The following CDH13 variants were observed in gnomAD, a reference collection of about 807,000 sequenced individuals.
CDH13 encodes cadherin 13, also known as cadherin-13.
In CDH13, 24 loss-of-function variants were observed where a neutral mutation model predicts 63.8. That is an observed-to-expected ratio of 0.38 (90% CI 0.27 to 0.53). The LOEUF (loss-of-function observed/expected upper bound fraction) is 0.53. Among genes scored for constraint, CDH13 ranks in the 20% least tolerant of loss-of-function variants. The probability of loss-of-function intolerance (pLI) is 0.85; values close to 1 mark genes in which losing one functional copy is unlikely to be tolerated. For missense variants in CDH13, 1,049 were observed against 903.1 expected, an observed-to-expected ratio of 1.16 and a Z score of -2.07; for synonymous variants, 503 against 355.3, an observed-to-expected ratio of 1.42 and a Z score of -4.67.
rs1011080724 is a variant in CDH13 at position 83,512,214 on chromosome 16, G to A, written c.960+25559G>A. 1.3e-4 allele frequency among the ~76,000 whole-genome samples: 19 copies of A among 150,864 alleles called. No homozygotes were observed. In the East Asian group the frequency reaches 3.5e-3, roughly 28 times the overall value. On this transcript the variant is annotated intron_variant, in intron 7 of 13. Coordinates refer to ENST00000567109, the MANE Select transcript of CDH13 (RefSeq NM_001257.5). Reference sequence around the variant, plus strand: ...CGGGTGCCTGTAGTCCCAGCTACTCGGGAGTTTGAGGCAGGAGAATGGCGT... The same window carrying A: ...CGGGTGCCTGTAGTCCCAGCTACTCAGGAGTTTGAGGCAGGAGAATGGCGT...
At chr16:83,699,970 G>A (rs1905969722) in intron 10 of CDH13, among the ~76,000 whole-genome samples, 1 of 152,088 alleles carries the variant, frequency 6.6e-6, no homozygotes, top group African/African-American at 2.4e-5. Flanking sequence ...ACAAGTTGAT[G>A]AGTTCTGACA....
chr16:83,399,975 A>C (rs1291187943), intron 6 of CDH13, among the ~76,000 whole-genome samples: 5 of 152,212 alleles, frequency 3.3e-5, no homozygotes, highest in African/African-American at 7.2e-5. Flanking sequence ...TATGTGTTGC[A>C]AAAGTTAACA....
At chr16:83,471,000 C>A (rs763810782) in intron 6 of CDH13, among the ~76,000 whole-genome samples, 4 of 152,186 alleles carry the variant, frequency 2.6e-5, no homozygotes, top group Non-Finnish European at 5.9e-5. Context: ...CTCCTGACGC[C>A]TTCCTTGGTC....
intron 5 of CDH13, among the ~76,000 whole-genome samples, chr16:83,253,572 CAG>C (rs1333640212): frequency 1.3e-5 from 2 of 152,190 alleles, no homozygotes; most frequent in Non-Finnish European, 2.9e-5. Context: ...CTGTCAACCT[CAG>C]GGGCTGCTCA....
chr16:83,351,276 A>G (rs1373484502), intron 6 of CDH13, among the ~76,000 whole-genome samples: 1 of 104,686 alleles, frequency 9.6e-6, no homozygotes, highest in East Asian at 3.3e-4. Context: ...GCATGTGGCT[A>G]TTTCTTTTTT....
At chr16:83,310,255 G>T (rs1366862022) in intron 5 of CDH13, among the ~76,000 whole-genome samples, 1 of 152,148 alleles carries the variant, frequency 6.6e-6, no homozygotes. Context: ...GTAAAAGTGG[G>T]AAAATTAGAT....
intron 6 of CDH13, among the ~76,000 whole-genome samples, chr16:83,383,381 G>A (rs1018972130): frequency 6.6e-6 from 1 of 152,142 alleles, no homozygotes; most frequent in Non-Finnish European, 1.5e-5. Context: ...TTTGCAGCAA[G>A]ATATTCCAGA....
intron 2 of CDH13, among the ~76,000 whole-genome samples, chr16:82,968,742 T>A (rs896839191): frequency 5.3e-5 from 8 of 152,348 alleles, no homozygotes; most frequent in African/African-American, 1.9e-4. Context: ...ATCAGTCATA[T>A]GGTGTTATAA....
At chr16:83,539,190 G>T (rs1029973224) in intron 7 of CDH13, among the ~76,000 whole-genome samples, 1 of 152,108 alleles carries the variant, frequency 6.6e-6, no homozygotes, top group African/African-American at 2.4e-5. Flanking sequence ...GGGCAAGGGT[G>T]GGGGATGGTT....
intron 4 of CDH13, among the ~76,000 whole-genome samples, chr16:83,191,504 TACACACACACACACACACAC>T (rs1214690644): frequency 1.1e-5 from 1 of 93,814 alleles, no homozygotes; most frequent in Non-Finnish European, 2.0e-5. Flanking sequence ...TATATATATA[TACACACACACACACACACAC>T]ACACACATAT....
chr16:82,627,759 G>A (rs991811259), intron 1 of CDH13, among the ~76,000 whole-genome samples: 2 of 152,130 alleles, frequency 1.3e-5, no homozygotes, highest in Admixed American at 1.3e-4. Flanking sequence ...CCGCATCGGG[G>A]TCCTTTTGCT....
At chr16:82,984,012 A>C (rs563107184) in intron 2 of CDH13, among the ~76,000 whole-genome samples, 1 of 152,322 alleles carries the variant, frequency 6.6e-6, no homozygotes, top group Non-Finnish European at 1.5e-5. Context: ...GGGAAGCTGG[A>C]CTGGGAAGCC....
chr16:83,499,762 C>T (rs2074227788), intron 7 of CDH13, among the ~76,000 whole-genome samples: 1 of 151,916 alleles, frequency 6.6e-6, no homozygotes, highest in Admixed American at 6.6e-5. Context: ...AGTTTGGGTG[C>T]AGTGGCCACA....
intron 10 of CDH13, among the ~76,000 whole-genome samples, chr16:83,712,607 C>G (rs1908235887): frequency 6.6e-6 from 1 of 152,198 alleles, no homozygotes; most frequent in African/African-American, 2.4e-5. Context: ...TACAAGCCAG[C>G]AAGGCAAAGA....
At chr16:83,658,668 A>G (rs1913123677) in intron 8 of CDH13, among the ~76,000 whole-genome samples, 1 of 150,568 alleles carries the variant, frequency 6.6e-6, no homozygotes, top group East Asian at 2.0e-4. Context: ...TATCCTCACC[A>G]GCAAGGTCCC....
chr16:83,536,723 C>G (rs1652150230), intron 7 of CDH13, among the ~76,000 whole-genome samples: 1 of 152,130 alleles, frequency 6.6e-6, no homozygotes, highest in Non-Finnish European at 1.5e-5. Context: ...GAAATGTCCA[C>G]TAGGGGACTA....
chr16:82,935,054 A>G (rs529878311), intron 2 of CDH13, among the ~76,000 whole-genome samples: 2 of 152,150 alleles, frequency 1.3e-5, no homozygotes, highest in African/African-American at 4.8e-5. Flanking sequence ...TTATTAGTCT[A>G]TTCTCACACT....
chr16:82,740,397 G>T (rs373154760), intron 1 of CDH13, among the ~76,000 whole-genome samples: 3 of 152,160 alleles, frequency 2.0e-5, no homozygotes. Flanking sequence ...AATGTACAGC[G>T]TATTAGCCCA....
At chr16:83,746,393 T>G (rs1456832852) in intron 10 of CDH13, among the ~76,000 whole-genome samples, 2 of 152,188 alleles carry the variant, frequency 1.3e-5, no homozygotes, top group African/African-American at 4.8e-5. Context: ...CACTTCTGAT[T>G]GCATTTAGCA....
Sources: allele counts gnomAD v4.1 joint callset (sites outside exome capture counted in the v4.1 genomes callset), GRCh38; gene constraint gnomAD v4.1.1; transcripts MANE v1.5; gene names NCBI Gene and HGNC (gene_info 2026-07-23, HGNC 2026-07-21).